The following TBCK variants were observed in gnomAD, a reference collection of about 807,000 sequenced individuals.
TBCK encodes the protein TBC domain-containing protein kinase-like protein.
In TBCK, 99 loss-of-function variants were observed where a neutral mutation model predicts 113.4. That is an observed-to-expected ratio of 0.87 (90% CI 0.74 to 1.03). The LOEUF is 1.03. TBCK is among the 50% of genes least tolerant of loss of function. The probability of loss-of-function intolerance (pLI) is 0.00; values close to 1 mark genes in which losing one functional copy is unlikely to be tolerated. For synonymous variants in TBCK, 369 were observed against 370.8 expected (o/e 1.00, Z 0.05); for missense variants, 1,045 against 1,061.3 (o/e 0.98, Z 0.21).
At chr4:106,197,430 T>TAC (rs72391639) in intron 20 of TBCK, among the ~76,000 whole-genome samples, 3 of 148,148 alleles carry the variant, frequency 2.0e-5, no homozygotes, top group African/African-American at 7.4e-5. Flanking sequence ...TATATATATA[T>TAC]ATAATACAAA....
At chr4:106,140,703 T>C (rs183853333) in intron 23 of TBCK, among the ~76,000 whole-genome samples, 1 of 139,792 alleles carries the variant, frequency 7.2e-6, no homozygotes, top group East Asian at 2.0e-4. Flanking sequence ...TCATTGTTTT[T>C]CAAGTCTAGT....
At chr4:106,130,771 T>G (rs1011113709) in intron 23 of TBCK, among the ~76,000 whole-genome samples, 7 of 152,158 alleles carry the variant, frequency 4.6e-5, no homozygotes, top group Non-Finnish European at 1.5e-5. Flanking sequence ...ATGCAACTTG[T>G]TTTCAATCAG....
intron 25 of TBCK, among the ~76,000 whole-genome samples, chr4:106,077,407 T>C (rs1738332327): frequency 6.6e-6 from 1 of 152,184 alleles, no homozygotes; most frequent in African/African-American, 2.4e-5. Context: ...ACCCAAATGT[T>C]TGCTGTCTTC....
chr4:106,072,541 T>C lies in TBCK; in HGVS notation c.2571+22941A>G, dbSNP rs527674567. On this transcript the variant is annotated intron_variant, in intron 25 of 25. Transcript: ENST00000394708. ...GTGCCTGTTAACATTTTTTCCTTCA[T>C]TTTAACCTTGGTTAATCCGAAAATT... Among the ~76,000 whole-genome samples the C allele has an allele frequency of 3.9e-5, 6 of 152,332 alleles. No homozygotes were observed. The South Asian group carries it at 6.2e-4, about 16-fold the overall frequency.
intron 3 of TBCK, among the ~76,000 whole-genome samples, chr4:106,293,504 T>C (rs898275174): frequency 6.6e-6 from 1 of 152,170 alleles, no homozygotes; most frequent in African/African-American, 2.4e-5. Context: ...GTAAATGTAA[T>C]GCGCTTGTAT....
intron 25 of TBCK, among the ~76,000 whole-genome samples, chr4:106,087,139 A>G (rs1381266460): frequency 6.6e-6 from 1 of 152,240 alleles, no homozygotes; most frequent in African/African-American, 2.4e-5. Flanking sequence ...GAGGAAGTCA[A>G]GTTGTCTCTG....
chr4:106,242,785 C>T (rs529878112), intron 11 of TBCK, among the ~76,000 whole-genome samples: 1 of 151,756 alleles, frequency 6.6e-6, no homozygotes, highest in East Asian at 1.9e-4. Flanking sequence ...CATATGTATA[C>T]ATGTGCCGTG....
chr4:106,217,232 C>CTA (rs1757056149), intron 19 of TBCK, among the ~76,000 whole-genome samples: 1 of 152,074 alleles, frequency 6.6e-6, no homozygotes, highest in South Asian at 2.1e-4. Context: ...ATAATAAGAG[C>CTA]TATCTATGAG....
At chr4:106,231,875 T>A in intron 17 of TBCK, 96 bp from the exon 18 acceptor site, 1 of 1,061,392 alleles carries the variant, frequency 9.4e-7, no homozygotes, top group Non-Finnish European at 1.4e-6. Flanking sequence ...TACCTCCAAG[T>A]AGATTAAACA....
At chr4:106,280,154 T>C (rs778630400) in intron 3 of TBCK, among the ~76,000 whole-genome samples, 2 of 152,166 alleles carry the variant, frequency 1.3e-5, no homozygotes, top group African/African-American at 4.8e-5. Flanking sequence ...TATCTTAGTG[T>C]AGTTTTGATT....
chr4:106,271,998 A>G (rs376261185), intron 3 of TBCK, among the ~76,000 whole-genome samples: 40 of 152,278 alleles, frequency 2.6e-4, no homozygotes, highest in African/African-American at 8.9e-4. Context: ...TATATTTCTA[A>G]TAAGTTCCCA....
rs1255121842 is a variant in TBCK at position 106,308,884 on chromosome 4, C to T, written c.77G>A (p.Ser26Asn). ...ATTTGGTGTGAGAGGAAGTCCATTG[C>T]TTCCACAAACATCATGTGGCAGAGC... ...ASALPHDVCG[S>N]NGLPLTPNSI... Residue 26 changes from serine to asparagine, a missense_variant, in exon 2 of 26, where the codon AGC (serine) becomes AAC (asparagine). Coordinates refer to ENST00000394708, the MANE Select transcript of TBCK (RefSeq NM_001163435.3). 1.2e-6 allele frequency: 2 copies of T among 1,614,134 alleles called. No homozygotes were observed. Among genetic ancestry groups the T allele is most frequent in the East Asian group, 2.2e-5 (1 of 44,886 alleles).
intron 19 of TBCK, among the ~76,000 whole-genome samples, chr4:106,220,612 TA>T (rs201022020): frequency 5.7e-4 from 83 of 146,652 alleles, no homozygotes; most frequent in East Asian, 2.9e-3. Flanking sequence ...ATGCTGGATT[TA>T]AAAAAAAAAA....
At chr4:106,072,941 C>T (rs1256130269) in intron 25 of TBCK, among the ~76,000 whole-genome samples, 1 of 152,190 alleles carries the variant, frequency 6.6e-6, no homozygotes, top group Non-Finnish European at 1.5e-5. Flanking sequence ...TGGTTTTCAG[C>T]TCCATCAGGT....
chr4:106,235,205 A>C, intron 15 of TBCK, 64 bp downstream of exon 15: 11 of 981,248 alleles, frequency 1.1e-5, no homozygotes, highest in Non-Finnish European at 1.6e-5. Context: ...TTTGGAAAGC[A>C]CTCTCCTTCT....
intron 1 of TBCK, 72 bp downstream of exon 1, chr4:106,315,859 T>G (rs1209726635): frequency 6.6e-6 from 1 of 152,602 alleles, no homozygotes; most frequent in Non-Finnish European, 1.5e-5. Flanking sequence ...CACTCACTGC[T>G]CCTGATAGTC....
In TBCK at chr4:106,056,225, C is replaced by T. The variant is rs144945515; in HGVS notation, c.2572-9545G>A. ...CTCTGGTAACAGTATCAGCAACCTC[C>T]CCAAACACCCAACCTGGAGACTTTA... On this transcript the variant is annotated intron_variant, in intron 25 of 25. Coordinates refer to ENST00000394708, the MANE Select transcript of TBCK (RefSeq NM_001163435.3). Among the ~76,000 whole-genome samples the T allele has an allele frequency of 6.0e-4, 91 of 151,232 alleles. 1 individual carries two copies. Among genetic ancestry groups the T allele is most frequent in the African/African-American group, 2.2e-3 (91 of 41,328 alleles).
At chr4:106,193,460 A>G (rs1753877125) in intron 22 of TBCK, 149 bp downstream of exon 22, 1 of 720,992 alleles carries the variant, frequency 1.4e-6, no homozygotes, top group South Asian at 1.9e-5. Flanking sequence ...AAGAAGCAGT[A>G]TATGAGAGAA....
intron 2 of TBCK, among the ~76,000 whole-genome samples, chr4:106,301,876 C>T (rs73839417): frequency 0.018 from 2,767 of 152,226 alleles, 78 homozygotes; most frequent in African/African-American, 0.061. Flanking sequence ...AAATCAAAGT[C>T]ATGTGGTATT....
Sources: gnomAD v4.1 joint callset for allele counts (sites outside exome capture counted in the v4.1 genomes callset) on GRCh38, gnomAD v4.1.1 for gene constraint, MANE v1.5 for transcripts, NCBI Gene and HGNC (gene_info 2026-07-23, HGNC 2026-07-21) for gene names.